Variants in SLC35F6 observed in about 807,000 individuals in gnomAD.
The protein encoded by SLC35F6 is ANT2-binding protein.
Under a neutral mutation model 29.4 loss-of-function variants are expected in SLC35F6, and 26 were observed. The ratio of observed to expected loss-of-function variants is 0.89; its 90% CI spans 0.65 to 1.23. The LOEUF is 1.23. Among genes scored for constraint, SLC35F6 ranks in the 50% most tolerant of loss-of-function variants. The probability of loss-of-function intolerance (pLI) is 0.00; values close to 1 mark genes in which losing one functional copy is unlikely to be tolerated. For synonymous variants in SLC35F6, 174 were observed against 206.6 expected (o/e 0.84, Z 1.35); for missense variants, 428 against 487.8 (o/e 0.88, Z 1.15).
At chr2:26,776,938 A>G (rs1664311944) in intron 5 of SLC35F6, among the ~76,000 whole-genome samples, 1 of 152,170 alleles carries the variant, frequency 6.6e-6, no homozygotes, top group Admixed American at 6.5e-5. Context: ...GGTGGCTCAT[A>G]CCTGTAATCC....
At position 26,775,606 on chromosome 2, in the gene SLC35F6, G is replaced by C. The variant is rs1365794223; in HGVS notation, c.465G>C (p.Leu155=). Residue 155 remains leucine, a synonymous_variant, in exon 4 of 6, where the codon CTG becomes CTC. Transcript: ENST00000344420. The surrounding 1 kb of genome is among the most constrained non-coding windows in gnomAD (Gnocchi z 4.6). Reference sequence around the variant, plus strand: ...GCATCCTAGCCACCATCGCGGGGCTGGTGGTCGTGGGCCTGGCTGACCTCC... The same window carrying C: ...GCATCCTAGCCACCATCGCGGGGCTCGTGGTCGTGGGCCTGGCTGACCTCC... ...WLGILATIAG[L]VVVGLADLLS... 6.2e-7 allele frequency: 1 copy of C among 1,606,330 alleles called. No individual in the cohort carries two copies. The highest frequency in any genetic ancestry group is 1.7e-5 in the Admixed American group (1 of 59,486).
chr2:26,774,367 G>T, intron 2 of SLC35F6, 44 bp downstream of exon 2: 1 of 1,608,624 alleles, frequency 6.2e-7, no homozygotes, highest in South Asian at 1.1e-5. Context: ...CCGGGCCTCA[G>T]ACCAGGCGCC....
In SLC35F6 at chr2:26,775,048, T is replaced by C; in HGVS notation, c.155T>C (p.Val52Ala). The C allele has an allele frequency of 6.2e-7, 1 of 1,613,312 alleles. No individual in the cohort carries two copies. The highest frequency in any genetic ancestry group is 8.5e-7 in the Non-Finnish European group (1 of 1,179,588). Reference protein sequence around the residue: ...HSFQHPFLQAVGMFLGEFSCL... With the variant: ...HSFQHPFLQAAGMFLGEFSCL... The stretch of plus-strand genomic sequence containing the variant: ...CTCGGGTTTTCATCCCTGCAGGCAG[T>C]GGGCATGTTCCTGGGAGAATTCTCC... The change falls in exon 3 of 6, where the codon GTG (valine) becomes GCG (alanine). Residue 52 changes from valine (V) to alanine (A), a missense_variant. Transcript: ENST00000344420. The surrounding 1 kb of genome is among the most constrained non-coding windows in gnomAD (Gnocchi z 4.6).
intron 1 of SLC35F6, chr2:26,764,801 T>G (rs1046491692): frequency 1.0e-6 from 1 of 985,186 alleles, no homozygotes; most frequent in Non-Finnish European, 1.2e-6. Flanking sequence ...GTAGTGGCTG[T>G]GCAGGCCGAG....
At chr2:26,777,723 G>C (rs1488450722) in intron 5 of SLC35F6, among the ~76,000 whole-genome samples, 1 of 147,168 alleles carries the variant, frequency 6.8e-6, no homozygotes, top group Non-Finnish European at 1.5e-5. Flanking sequence ...ATTGTATACT[G>C]TAAGGGTAAT....
chr2:26,768,486 T>G (rs544652861), intron 1 of SLC35F6, among the ~76,000 whole-genome samples: 1 of 150,994 alleles, frequency 6.6e-6, no homozygotes, highest in African/African-American at 2.4e-5. Context: ...CTCAGCCTCC[T>G]GAGTAACTGG....
intron 1 of SLC35F6, chr2:26,764,861 C>T (rs1307887993): frequency 1.2e-5 from 12 of 985,310 alleles, no homozygotes; most frequent in Non-Finnish European, 1.4e-5. Flanking sequence ...AGGTGCCCCA[C>T]GGCCCCTCAA....
intron 1 of SLC35F6, among the ~76,000 whole-genome samples, chr2:26,766,442 A>G (rs1664097900): frequency 6.6e-6 from 1 of 152,166 alleles, no homozygotes; most frequent in South Asian, 2.1e-4. Flanking sequence ...TACTAAAAAT[A>G]CAAAAATTAG....
chr2:26,766,676 C>T (rs751037090), intron 1 of SLC35F6, among the ~76,000 whole-genome samples: 6 of 152,296 alleles, frequency 3.9e-5, no homozygotes, highest in Non-Finnish European at 8.8e-5. Context: ...GTGCTGACAA[C>T]TAGCAGAAGC....
intron 1 of SLC35F6, among the ~76,000 whole-genome samples, chr2:26,770,675 G>A (rs548230774): frequency 5.9e-5 from 9 of 151,976 alleles, no homozygotes; most frequent in South Asian, 4.2e-4. Context: ...CCAAGATCGC[G>A]CTGCTACACT....
chr2:26,766,868 CAG>C (rs1250528693), intron 1 of SLC35F6, among the ~76,000 whole-genome samples: 2 of 152,180 alleles, frequency 1.3e-5, no homozygotes, highest in African/African-American at 4.8e-5. Flanking sequence ...TACTAAGTGG[CAG>C]AGTTTATAGT....
chr2:26,777,014 A>T (rs10173506), intron 5 of SLC35F6, among the ~76,000 whole-genome samples: 7,470 of 152,278 alleles, frequency 0.049, 649 homozygotes, highest in African/African-American at 0.17. Context: ...CAGCCTGCCC[A>T]ACATGGCAAA....
Position 26,780,533 on chromosome 2 carries a change from G to C in SLC35F6, c.*2022G>C, listed in dbSNP as rs555108404. Reference sequence around the variant, plus strand: ...TTCTGTCTTACGATAGTCTTCAGAGGTGGGAACAGATGAAGAAACCATGCC... The same window carrying C: ...TTCTGTCTTACGATAGTCTTCAGAGCTGGGAACAGATGAAGAAACCATGCC... On this transcript the variant is annotated 3_prime_UTR_variant, in exon 6 of 6. Transcript: ENST00000344420. 1 of 152,318 alleles carries C rather than the reference G, an allele frequency of 6.6e-6. No individual in the cohort carries two copies. The highest frequency in any genetic ancestry group is 2.4e-5 in the African/African-American group (1 of 41,566). The allele number at this position is 152,318 out of a possible 1,614,324, so 9.4% of individuals were successfully genotyped here. A position where few individuals can be genotyped will look rare whatever the true frequency, so the allele number is the denominator to read the frequency against.
rs1664351001 is a variant in SLC35F6, at chr2:26,778,568, C to T, written c.*57C>T. 1.4e-6 allele frequency: 2 copies of T among 1,474,480 alleles called. No individual in the cohort carries two copies. The highest frequency in any genetic ancestry group is 4.8e-5 in the East Asian group (2 of 41,652). 91.3% of individuals were successfully genotyped at this position (1,474,480 alleles called of 1,614,324 possible). A position where few individuals can be genotyped will look rare whatever the true frequency, so the allele number is the denominator to read the frequency against. On this transcript the variant is annotated 3_prime_UTR_variant, in exon 6 of 6. Transcript: ENST00000344420. ...TGCTCCTTCTCCCTGAGACTGAGGC[C>T]ACACAGGCTGGTGGGCCCCGAATGC...
At position 26,774,337 on chromosome 2, in the gene SLC35F6, T is replaced by C. The variant is rs769422855; in HGVS notation, c.150+14T>C. ...CCCTTCCTCCAGGTATCTGGCCCTG[T>C]CCCTCCTACCTCCTGTCTCCCGGGC... is the stretch of plus-strand genomic sequence containing the variant. On this transcript the variant is annotated intron_variant, in intron 2 of 5. Coordinates refer to ENST00000344420, the MANE Select transcript of SLC35F6 (RefSeq NM_017877.4). 1 of 1,613,574 alleles carries C rather than the reference T, an allele frequency of 6.2e-7. No individual in the cohort carries two copies. The highest frequency in any genetic ancestry group is 8.5e-7 in the Non-Finnish European group (1 of 1,179,724).
chr2:26,779,946 C>G lies in SLC35F6; in HGVS notation c.*1435C>G, dbSNP rs541844736. 6.6e-6 allele frequency: 1 copy of G among 150,574 alleles called. No homozygotes were observed. The highest frequency in any genetic ancestry group is 1.5e-5 in the Non-Finnish European group (1 of 67,896). 9.3% of individuals were successfully genotyped at this position (150,574 alleles called of 1,614,324 possible). On this transcript the variant is annotated 3_prime_UTR_variant, in exon 6 of 6. Transcript: ENST00000344420. ...CAGCCTCCCGAGTAGCTAAGACTAA[C>G]AGGTATGTACCACCATGCCTGGTTT... is the stretch of plus-strand genomic sequence containing the variant.
chr2:26,771,545 G>A (rs1288867365), intron 1 of SLC35F6, among the ~76,000 whole-genome samples: 1 of 152,180 alleles, frequency 6.6e-6, no homozygotes, highest in Non-Finnish European at 1.5e-5. Flanking sequence ...CCTCATGCAG[G>A]CCTTCTCAGG....
chr2:26,776,648 T>G (rs1193358815), intron 5 of SLC35F6, among the ~76,000 whole-genome samples, 166 bp downstream of exon 5: 1 of 152,094 alleles, frequency 6.6e-6, no homozygotes, highest in African/African-American at 2.4e-5. Flanking sequence ...TGTCAGGAAC[T>G]AGAGGAGACC....
chr2:26,773,903 C>T (rs866271193), intron 1 of SLC35F6, among the ~76,000 whole-genome samples: 42 of 152,314 alleles, frequency 2.8e-4, no homozygotes, highest in African/African-American at 7.9e-4. Flanking sequence ...TGAGCCACTG[C>T]GCCCAGCTAT....
Sources: allele counts gnomAD v4.1 joint callset (sites outside exome capture counted in the v4.1 genomes callset), GRCh38; gene constraint gnomAD v4.1.1; non-coding constraint Gnocchi (gnomAD v3.1); transcripts MANE v1.5; gene names NCBI Gene and HGNC (gene_info 2026-07-23, HGNC 2026-07-21).